PRKN: variants seen among roughly 807,000 people sequenced by gnomAD.
PRKN encodes the protein parkin RBR E3 ubiquitin protein ligase.
PRKN carries 56 observed loss-of-function variants against 59.5 expected under a neutral mutation model. The observed-to-expected ratio is 0.94, with a 90% CI of 0.76 to 1.18. The LOEUF is 1.18. Among genes scored for constraint, PRKN ranks in the 50% most tolerant of loss-of-function variants. PRKN has a pLI of 0.00. For synonymous variants in PRKN, 250 were observed against 222.1 expected, an observed-to-expected ratio of 1.13 and a Z score of -1.12; for missense variants, 657 against 596.4, an observed-to-expected ratio of 1.10 and a Z score of -1.06.
intron 5 of PRKN, among the ~76,000 whole-genome samples, chr6:162,018,791 G>C (rs1183039682): frequency 1.3e-5 from 2 of 152,066 alleles, no homozygotes; most frequent in Admixed American, 6.5e-5. Flanking sequence ...TCCTACATGA[G>C]TGGGCTCTGC....
intron 2 of PRKN, among the ~76,000 whole-genome samples, chr6:162,442,021 A>G (rs1301797487): frequency 5.3e-5 from 8 of 151,826 alleles, no homozygotes; most frequent in Admixed American, 1.3e-4. Flanking sequence ...AAAAAAAAAA[A>G]TCAAAACCCT....
chr6:162,336,786 A>C (rs1395376833), intron 2 of PRKN, among the ~76,000 whole-genome samples: 1 of 152,206 alleles, frequency 6.6e-6, no homozygotes, highest in Non-Finnish European at 1.5e-5. Flanking sequence ...GGGATACTAA[A>C]TTCCTAACCA....
At chr6:161,955,333 G>A (rs906634336) in intron 6 of PRKN, among the ~76,000 whole-genome samples, 2 of 151,968 alleles carry the variant, frequency 1.3e-5, no homozygotes, top group African/African-American at 4.8e-5. Flanking sequence ...AAACTACCCC[G>A]GATGAAAGCC....
rs539347331 is a variant in PRKN at position 161,739,547 on chromosome 6, A to C, written c.871+46225T>G. On this transcript the variant is annotated intron_variant, in intron 7 of 11. Transcript: ENST00000366898. ...TATTCATACTTACGTGTATAATCGG[A>C]TTAGTCGGGAAGAGTCGGCATGAGG... Among the ~76,000 whole-genome samples the C allele has an allele frequency of 2.1e-3, 315 of 152,324 alleles. 1 individual carries two copies. The highest frequency in any genetic ancestry group is 3.5e-3 in the Non-Finnish European group (237 of 68,022).
At chr6:162,500,898 G>T (rs1338440853) in intron 1 of PRKN, among the ~76,000 whole-genome samples, 1 of 152,038 alleles carries the variant, frequency 6.6e-6, no homozygotes, top group Non-Finnish European at 1.5e-5. Flanking sequence ...GGGTGCAGTG[G>T]TTCATGCCTG....
intron 4 of PRKN, among the ~76,000 whole-genome samples, chr6:162,074,195 C>G (rs538112516): frequency 2.8e-4 from 39 of 137,280 alleles, no homozygotes; most frequent in African/African-American, 2.8e-4. Context: ...TGTTTATTGC[C>G]GCATTATTCA....
intron 1 of PRKN, among the ~76,000 whole-genome samples, chr6:162,716,557 T>C (rs1272045418): frequency 6.6e-6 from 1 of 152,206 alleles, no homozygotes; most frequent in Non-Finnish European, 1.5e-5. Context: ...TGGTATCTCC[T>C]GTCCAAAGCA....
At chr6:161,558,060 C>A (rs1780305732) in intron 8 of PRKN, among the ~76,000 whole-genome samples, 1 of 152,170 alleles carries the variant, frequency 6.6e-6, no homozygotes, top group Admixed American at 6.5e-5. Context: ...GTGAACCAAA[C>A]CACGGCACCG....
At chr6:162,120,795 A>G (rs181092931) in intron 4 of PRKN, among the ~76,000 whole-genome samples, 173 of 152,312 alleles carry the variant, frequency 1.1e-3, no homozygotes, top group Middle Eastern at 6.8e-3. Context: ...TGCTGGGGGA[A>G]GGGCAACGAT....
At chr6:162,296,876 A>G (rs114112901) in intron 2 of PRKN, among the ~76,000 whole-genome samples, 4,231 of 152,244 alleles carry the variant, frequency 0.028, 186 homozygotes, top group African/African-American at 0.091. Flanking sequence ...TTTCCATGCC[A>G]CCTCAGCTTT....
At chr6:162,256,038 C>G (rs1779626104) in intron 3 of PRKN, among the ~76,000 whole-genome samples, 1 of 152,118 alleles carries the variant, frequency 6.6e-6, no homozygotes, top group Non-Finnish European at 1.5e-5. Context: ...ACACCTCTAA[C>G]ACCAAAGGTA....
chr6:161,537,413 A>G (rs1406484839), intron 9 of PRKN, among the ~76,000 whole-genome samples: 1 of 152,172 alleles, frequency 6.6e-6, no homozygotes, highest in East Asian at 1.9e-4. Flanking sequence ...GGCTTGTACA[A>G]ATAAAGAACA....
chr6:162,108,286 C>T (rs1284554305), intron 4 of PRKN, among the ~76,000 whole-genome samples: 1 of 152,150 alleles, frequency 6.6e-6, no homozygotes, highest in Non-Finnish European at 1.5e-5. Flanking sequence ...TGAATCCATT[C>T]CTCTGGGAGC....
chr6:161,683,476 G>A (rs1443369940), intron 7 of PRKN, among the ~76,000 whole-genome samples: 2 of 152,158 alleles, frequency 1.3e-5, no homozygotes, highest in East Asian at 1.9e-4. Context: ...CGAACAAAGG[G>A]GAAGACCATT....
intron 2 of PRKN, among the ~76,000 whole-genome samples, chr6:162,281,803 T>G (rs1272233872): frequency 6.6e-6 from 1 of 152,178 alleles, no homozygotes; most frequent in Non-Finnish European, 1.5e-5. Context: ...AGTTATGCAG[T>G]CTACAGCAGC....
At chr6:162,288,518 G>T (rs73598152) in intron 2 of PRKN, among the ~76,000 whole-genome samples, 4,175 of 152,182 alleles carry the variant, frequency 0.027, 75 homozygotes, top group East Asian at 0.1. Flanking sequence ...CCATGAAACG[G>T]GGTCTCAAGT....
chr6:162,520,437 C>G (rs1439360496), intron 1 of PRKN, among the ~76,000 whole-genome samples: 2 of 152,228 alleles, frequency 1.3e-5, no homozygotes, highest in Non-Finnish European at 2.9e-5. Context: ...TCTCAGATCT[C>G]CCCTCCCAAC....
At chr6:162,460,271 A>T (rs1336274026) in intron 1 of PRKN, among the ~76,000 whole-genome samples, 2 of 152,180 alleles carry the variant, frequency 1.3e-5, no homozygotes, top group African/African-American at 2.4e-5. Context: ...CAGTCATAAG[A>T]TGTTGTATGA....
intron 1 of PRKN, among the ~76,000 whole-genome samples, chr6:162,545,223 G>A (rs1362194376): frequency 6.6e-6 from 1 of 152,006 alleles, no homozygotes; most frequent in African/African-American, 2.4e-5. Context: ...AGGAGGCGGA[G>A]GTTGCAGTGA....
Sources: gnomAD v4.1 joint callset for allele counts (sites outside exome capture counted in the v4.1 genomes callset) on GRCh38, gnomAD v4.1.1 for gene constraint, MANE v1.5 for transcripts, NCBI Gene and HGNC (gene_info 2026-07-23, HGNC 2026-07-21) for gene names.